PIDD1: variants seen among roughly 807,000 people sequenced by gnomAD.
PIDD1 encodes the protein p53-induced death domain protein 1.
In PIDD1, 72 loss-of-function variants were observed where a neutral mutation model predicts 80.0. The observed-to-expected ratio is 0.90, with a 90% CI of 0.74 to 1.09. The LOEUF is 1.09. Among genes scored for constraint, PIDD1 ranks in the 50% least tolerant of loss-of-function variants. PIDD1 has a pLI of 0.00. For synonymous variants in PIDD1, 655 were observed against 543.5 expected, an observed-to-expected ratio of 1.21 and a Z score of -2.85; for missense variants, 1,329 against 1,228.3, an observed-to-expected ratio of 1.08 and a Z score of -1.23.
chr11:803,736 C>G (rs1270338716), intron 2 of PIDD1, 149 bp from the exon 3 acceptor site: 1 of 902,822 alleles, frequency 1.1e-6, no homozygotes, highest in Non-Finnish European at 1.7e-6. Context: ...GACAGAAACA[C>G]TGGAGAGGTG....
At chr11:806,462 G>A (rs1004305524), upstream of PIDD1, among the ~76,000 whole-genome samples, 4 of 152,202 alleles carry the variant, frequency 2.6e-5, no homozygotes, top group African/African-American at 9.7e-5. Context: ...TCATATCGGC[G>A]GCTCCTTCTT....
In PIDD1 at chr11:804,302, C is replaced by G. The variant is rs1265092583; in HGVS notation, c.87G>C (p.Ala29=). The G allele has an allele frequency of 6.2e-7, 1 of 1,612,622 alleles. No homozygotes were observed. Among genetic ancestry groups the G allele is most frequent in the African/African-American group, 1.3e-5 (1 of 74,944 alleles). ...GCCGGTTGCCGCCCAGGAAAGGCAG[C>G]GCCCTGGACCCTGCGTCCGAATCCT... ...ASEDSDAGSR[A]LPFLGGNRLS... Residue 29 remains alanine, a synonymous_variant, in exon 2 of 16, where the codon GCG becomes GCC. Transcript: ENST00000347755.
intron 1 of PIDD1, chr11:804,673 G>A (rs1590154975): frequency 2.3e-6 from 1 of 440,180 alleles, no homozygotes; most frequent in Non-Finnish European, 4.0e-6. Context: ...TGGCTCGCAG[G>A]AGCACCGGGC....
intron 12 of PIDD1, 23 bp from the exon 13 acceptor site, chr11:800,474 G>A: frequency 1.2e-6 from 2 of 1,611,568 alleles, no homozygotes; most frequent in Admixed American, 1.7e-5. Flanking sequence ...GGTGGGCTGA[G>A]CAAGGAGGGC....
Position 802,685 on chromosome 11 carries a change from G to A in PIDD1, c.916C>T (p.Pro306Ser), listed in dbSNP as rs781370710. 1 of 1,610,160 alleles carries A rather than the reference G, an allele frequency of 6.2e-7. No individual in the cohort carries two copies. The highest frequency in any genetic ancestry group is 1.1e-5 in the South Asian group (1 of 90,524). ...CCCCTTCTAGCACCAAGCCTACCTG[G>A]TGAACTCGGGGCGTCTGGCGAGGCC... is the stretch of plus-strand genomic sequence containing the variant. The part of the protein sequence containing the change: ...GEASPDAPSS[P>S]VAALIPEMPR... Residue 306 changes from proline (P) to serine (S), a missense_variant, in exon 4 of 16, where the codon CCA (proline) becomes TCA (serine). Physicochemically the swap from Pro to Ser is moderately conservative, Grantham distance 74. Coordinates refer to ENST00000347755, the MANE Select transcript of PIDD1 (RefSeq NM_145886.4).
chr11:803,943 G>T, intron 2 of PIDD1, 151 bp downstream of exon 2: 1 of 875,904 alleles, frequency 1.1e-6, no homozygotes, highest in Non-Finnish European at 1.7e-6. Context: ...GATGGGGCTG[G>T]ACAGGACCAA....
Position 803,522 on chromosome 11 carries a change from G to A in PIDD1, c.361C>T (p.Leu121=), listed in dbSNP as rs1188510468. Reference sequence around the variant, plus strand: ...TGGGCCAGATGGGCCAGGCCACTCAGACCAGCGGGCAGGTTGGTCAGGGCA... The same window carrying A: ...TGGGCCAGATGGGCCAGGCCACTCAAACCAGCGGGCAGGTTGGTCAGGGCA... ...RGALTNLPAG[L]SGLAHLAHLD... The change falls in exon 3 of 16, where the codon CTG becomes TTG. Residue 121 remains leucine, a synonymous_variant. Transcript: ENST00000347755. The A allele has an allele frequency of 1.2e-6, 2 of 1,613,356 alleles. No homozygotes were observed. Among genetic ancestry groups the A allele is most frequent in the South Asian group, 1.1e-5 (1 of 91,082 alleles).
Position 803,302 on chromosome 11 carries a change from G to A in PIDD1, c.581C>T (p.Ser194Phe). The change falls in exon 3 of 16, where the codon TCC (serine) becomes TTC (phenylalanine). Residue 194 changes from serine to phenylalanine, a missense_variant. Physicochemically the swap from Ser to Phe is radical, Grantham distance 155. Coordinates refer to ENST00000347755, the MANE Select transcript of PIDD1 (RefSeq NM_145886.4). ...QTLPPALGAL[S>F]TLQRLDLSQN... is the part of the protein sequence containing the mutation. ...AGAGAGATCGAGGCGCTGCAGGGTG[G>A]ATAGGGCCCCCAGTGCTGGGGGCAG... is the stretch of plus-strand genomic sequence containing the variant. 6.2e-7 allele frequency: 1 copy of A among 1,613,876 alleles called. No homozygotes were observed. Among genetic ancestry groups the A allele is most frequent in the Non-Finnish European group, 8.5e-7 (1 of 1,179,960 alleles).
rs1321694231 is a variant in PIDD1 at position 804,232 on chromosome 11, GGT to G, written c.155_156del (p.His52ProfsTer110). On this transcript the variant is annotated frameshift_variant, in exon 2 of 16. Coordinates refer to ENST00000347755, the MANE Select transcript of PIDD1 (RefSeq NM_145886.4). LOFTEE classifies it high-confidence loss of function. ...LYPGGCQQLLHLCVQQPLQLL... is the reference protein window; with the variant it reads ...LYPGGCQQLLXLCVQQPLQLL... ...AGCTGCAGAGGCTGCTGGACACACA[GGT>G]GCAGCAGCTGCTGGCAGCCCCCGGG... 1.9e-6 allele frequency: 3 copies of G among 1,612,848 alleles called. No individual in the cohort carries two copies. Among genetic ancestry groups the G allele is most frequent in the Non-Finnish European group, 2.5e-6 (3 of 1,179,904 alleles).
rs1590134493 is a variant in PIDD1 at position 800,142 on chromosome 11, T to C, written c.2263A>G (p.Ile755Val). 4 of 1,610,158 alleles carry C rather than the reference T, an allele frequency of 2.5e-6. No individual in the cohort carries two copies. Among genetic ancestry groups the C allele is most frequent in the East Asian group, 2.2e-5 (1 of 44,808 alleles). ...TCCCTCAGTCCCACCGGCAGCTTGATGGGCAGAGTGGCCATCCACAGGGCG... is the reference window on the plus strand; with the variant it reads ...TCCCTCAGTCCCACCGGCAGCTTGACGGGCAGAGTGGCCATCCACAGGGCG... Reference protein sequence around the residue: ...ADALWMATLPIKLPRLRGSEG... With the variant: ...ADALWMATLPVKLPRLRGSEG... The change falls in exon 14 of 16, where the codon ATC (isoleucine) becomes GTC (valine). Residue 755 changes from isoleucine (I) to valine (V), a missense_variant. Ile to Val is a conservative substitution (Grantham distance 29). Transcript: ENST00000347755.
chr11:801,277 C>A lies in PIDD1; in HGVS notation c.1571G>T (p.Gly524Val). 6.3e-7 allele frequency: 1 copy of A among 1,584,198 alleles called. No individual in the cohort carries two copies. ...GACCGGTTGGAGGAAGCTGGGGGGA[C>A]CGCTCTGTGACAGGCACAGCAGGGG... ...VSPLLCLSQS[G>V]PPSFLQPVTV... Residue 524 changes from glycine to valine, a missense_variant, in exon 9 of 16, where the codon GGT becomes GTT. Coordinates refer to ENST00000347755, the MANE Select transcript of PIDD1 (RefSeq NM_145886.4).
At chr11:803,921 A>C in intron 2 of PIDD1, 173 bp downstream of exon 2, 1 of 752,544 alleles carries the variant, frequency 1.3e-6, no homozygotes, top group Non-Finnish European at 2.1e-6. Flanking sequence ...GGTGGTGATC[A>C]CCGAGGATGG....
Position 799,960 on chromosome 11 carries a change from A to C in PIDD1, c.2329T>G (p.Leu777Val). 6.2e-7 allele frequency: 1 copy of C among 1,612,832 alleles called. No homozygotes were observed. The highest frequency in any genetic ancestry group is 8.5e-7 in the Non-Finnish European group (1 of 1,179,950). Reference protein sequence around the residue: ...RRGAGLSLAPLNLGDAETGFL... With the variant: ...RRGAGLSLAPVNLGDAETGFL... The stretch of plus-strand genomic sequence containing the variant: ...CCGGTCTCGGCATCTCCCAGATTCA[A>C]GGGTGCCAAGGAGAGGCCAGCCCCC... Residue 777 changes from leucine (L) to valine (V), a missense_variant, in exon 15 of 16, where the codon TTG becomes GTG. By Grantham distance (32) the Leu-to-Val change is conservative (BLOSUM62 1). Coordinates refer to ENST00000347755, the MANE Select transcript of PIDD1 (RefSeq NM_145886.4).
At chr11:802,946 C>A in intron 3 of PIDD1, 55 bp from the exon 4 acceptor site, 1 of 1,426,934 alleles carries the variant, frequency 7.0e-7, no homozygotes, top group South Asian at 1.2e-5. Flanking sequence ...GGCGCTGGGA[C>A]ACTCCTGCTG....
At position 805,188 on chromosome 11, in the gene PIDD1, A is replaced by T. The variant is rs1865699325; in HGVS notation, c.-85T>A. 1.0e-6 allele frequency: 1 copy of T among 983,376 alleles called. No homozygotes were observed. Among genetic ancestry groups the T allele is most frequent in the Non-Finnish European group, 1.2e-6 (1 of 828,268 alleles). The allele number at this position is 983,376 out of a possible 1,614,324, so 60.9% of individuals were successfully genotyped here. On this transcript the variant is annotated 5_prime_UTR_variant, in exon 1 of 16. Coordinates refer to ENST00000347755, the MANE Select transcript of PIDD1 (RefSeq NM_145886.4). ...CCAGGCCGGCGCGTACCTGCGCTGC[A>T]GGCGGCGCGCAAAGGGTGGCTGCTC... is the stretch of plus-strand genomic sequence containing the variant.
In PIDD1 at chr11:800,432, C is replaced by T. The variant is rs147405558; in HGVS notation, c.2061G>A (p.Glu687=). Residue 687 remains glutamate, a synonymous_variant, in exon 13 of 16, where the codon GAG becomes GAA. Transcript: ENST00000347755. ...AGTAGAAGACAAAGCAGATTCTGCC[C>T]TCCACACAGTCAGGGCGGTCTAGGG... ...DVDADRPDCV[E]GRICFVFYSH... 4,523 of 1,500,500 alleles carry T rather than the reference C, an allele frequency of 3.0e-3. 107 individuals are homozygous for T. The South Asian group carries it at 0.035, about 12-fold the overall frequency. 92.9% of individuals were successfully genotyped at this position (1,500,500 alleles called of 1,614,324 possible). A position where few individuals can be genotyped will look rare whatever the true frequency, so the allele number is the denominator to read the frequency against.
chr11:806,212 G>A (rs555825983), upstream of PIDD1: 403 of 152,278 alleles, frequency 2.6e-3, 1 homozygote, highest in Non-Finnish European at 4.8e-3. Context: ...TGATACCCCC[G>A]AGCGGGCCTG....
At chr11:809,304 G>A (rs1365284079), upstream of PIDD1, 1 of 152,256 alleles carries the variant, frequency 6.6e-6, no homozygotes, top group Non-Finnish European at 1.5e-5. Context: ...TCATTGTCCT[G>A]CCCTCCAAGG....
chr11:807,676 C>T (rs1865846752), upstream of PIDD1, among the ~76,000 whole-genome samples: 1 of 152,036 alleles, frequency 6.6e-6, no homozygotes. Context: ...ACTTGGGAGG[C>T]TGAAGCAGGA....
Sources: allele counts gnomAD v4.1 joint callset (sites outside exome capture counted in the v4.1 genomes callset), GRCh38; gene constraint gnomAD v4.1.1; transcripts MANE v1.5; gene names NCBI Gene and HGNC (gene_info 2026-07-23, HGNC 2026-07-21).